CCDC170: variants seen among roughly 807,000 people sequenced by gnomAD.
CCDC170 encodes coiled-coil domain-containing protein 170.
In CCDC170, 69 loss-of-function variants were observed where a neutral mutation model predicts 72.6. The observed-to-expected ratio is 0.95, with a 90% confidence interval of 0.78 to 1.16. The LOEUF (loss-of-function observed/expected upper bound fraction) is 1.16. Among genes scored for constraint, CCDC170 ranks in the 50% most tolerant of loss-of-function variants. CCDC170 has a pLI of 0.00. For missense variants in CCDC170, 852 were observed against 832.5 expected, an observed-to-expected ratio of 1.02 and a Z score of -0.29; for synonymous variants, 300 against 303.9, an observed-to-expected ratio of 0.99 and a Z score of 0.13.
At chr6:151,602,384 A>G (rs1776722437) in intron 9 of CCDC170, among the ~76,000 whole-genome samples, 1 of 152,234 alleles carries the variant, frequency 6.6e-6, no homozygotes, top group Non-Finnish European at 1.5e-5. Context: ...TGAAATCCAT[A>G]TCAGTTCAAA....
intron 1 of CCDC170, among the ~76,000 whole-genome samples, chr6:151,502,553 AC>A (rs1362649488): frequency 6.6e-6 from 1 of 152,222 alleles, no homozygotes; most frequent in African/African-American, 2.4e-5. Flanking sequence ...TTAAGACTTG[AC>A]TATAATTGTC....
chr6:151,565,343 G>A (rs986940275), intron 5 of CCDC170, among the ~76,000 whole-genome samples: 1 of 152,198 alleles, frequency 6.6e-6, no homozygotes, highest in African/African-American at 2.4e-5. Context: ...TCTGCAGACA[G>A]CTCCCTATGT....
intron 1 of CCDC170, among the ~76,000 whole-genome samples, chr6:151,534,167 C>A (rs933443166): frequency 6.6e-6 from 1 of 151,396 alleles, no homozygotes; most frequent in Non-Finnish European, 1.5e-5. Flanking sequence ...GGGACTCAAG[C>A]CTTCCTCCCA....
chr6:151,590,647 A>G (rs899737698), intron 7 of CCDC170, among the ~76,000 whole-genome samples: 4 of 152,240 alleles, frequency 2.6e-5, no homozygotes, highest in African/African-American at 4.8e-5. Flanking sequence ...CAATATATAC[A>G]GTAATCCTTC....
chr6:151,573,425 G>A lies in CCDC170; in HGVS notation c.1026G>A (p.Gly342=). 2 of 1,614,124 alleles carry A rather than the reference G, an allele frequency of 1.2e-6. No individual in the cohort carries two copies. The highest frequency in any genetic ancestry group is 1.1e-5 in the South Asian group (1 of 91,084). The change falls in exon 6 of 11, where the codon GGG becomes GGA. Residue 342 remains glycine, a synonymous_variant. Coordinates refer to ENST00000239374, the MANE Select transcript of CCDC170 (RefSeq NM_025059.4). The stretch of plus-strand genomic sequence containing the variant: ...TTAGGGGCAGATTGAGCATGACTGG[G>A]TCCACTGAGGACACCATTTTGGAGA... ...ALLRGRLSMT[G]STEDTILEKI...
intron 1 of CCDC170, among the ~76,000 whole-genome samples, chr6:151,534,921 G>A (rs1247418951): frequency 1.3e-5 from 2 of 152,126 alleles, no homozygotes; most frequent in Non-Finnish European, 2.9e-5. Flanking sequence ...GACCTCTTTT[G>A]TATTCCTTCA....
intron 8 of CCDC170, among the ~76,000 whole-genome samples, chr6:151,595,146 A>T (rs1776602113): frequency 6.6e-6 from 1 of 152,138 alleles, no homozygotes; most frequent in Non-Finnish European, 1.5e-5. Context: ...GGGAACTTTG[A>T]TGGTCTTCAG....
At chr6:151,580,600 C>A (rs1392863708) in intron 6 of CCDC170, among the ~76,000 whole-genome samples, 3 of 152,096 alleles carry the variant, frequency 2.0e-5, no homozygotes, top group Non-Finnish European at 4.4e-5. Context: ...TGGGATGACA[C>A]TAAAAATTTC....
chr6:151,507,044 G>A (rs1360063461), intron 1 of CCDC170, among the ~76,000 whole-genome samples: 1 of 152,146 alleles, frequency 6.6e-6, no homozygotes, highest in African/African-American at 2.4e-5. Flanking sequence ...TTTCTCTGGA[G>A]AATCCTGACT....
chr6:151,548,186 G>A, intron 4 of CCDC170, 118 bp from the exon 5 acceptor site: 1 of 857,866 alleles, frequency 1.2e-6, no homozygotes, highest in African/African-American at 1.7e-5. Flanking sequence ...TCCAGTCCAT[G>A]TAGGGATAGT....
chr6:151,515,325 C>G (rs908056406), intron 1 of CCDC170, among the ~76,000 whole-genome samples: 9 of 152,202 alleles, frequency 5.9e-5, no homozygotes. Context: ...CTCTGTCACC[C>G]AGACTGAAGT....
At chr6:151,556,109 ACTC>A (rs1782969353) in intron 5 of CCDC170, among the ~76,000 whole-genome samples, 1 of 152,044 alleles carries the variant, frequency 6.6e-6, no homozygotes, top group African/African-American at 2.4e-5. Flanking sequence ...TGTTTATAAG[ACTC>A]CTACAAAATG....
chr6:151,605,732 A>ACTGTTTAGAGTAAGATTTTCTTACTGTTT (rs1776773249), intron 9 of CCDC170, among the ~76,000 whole-genome samples: 2 of 151,422 alleles, frequency 1.3e-5, no homozygotes. Context: ...TGATTTTCTT[A>ACTGTTTAGAGTAAGATTTTCTTACTGTTT]CTCTCTGTTT....
chr6:151,572,594 CAA>C (rs1776233332), intron 5 of CCDC170, among the ~76,000 whole-genome samples: 1 of 145,924 alleles, frequency 6.9e-6, no homozygotes, highest in Non-Finnish European at 1.5e-5. Flanking sequence ...GCTTATGTGT[CAA>C]AGTTTCCTTC....
chr6:151,616,842 G>A (rs756965829), intron 10 of CCDC170, among the ~76,000 whole-genome samples: 15 of 152,068 alleles, frequency 9.9e-5, no homozygotes, highest in East Asian at 1.9e-4. Flanking sequence ...GCAGCTCTCC[G>A]GGGCCTCTTT....
At chr6:151,545,130 CAAATA>C (rs1316865758) in intron 4 of CCDC170, among the ~76,000 whole-genome samples, 2 of 151,924 alleles carry the variant, frequency 1.3e-5, no homozygotes, top group African/African-American at 2.4e-5. Context: ...ACATTAAAAC[CAAATA>C]GTGGCTGGGC....
intron 1 of CCDC170, among the ~76,000 whole-genome samples, chr6:151,499,794 T>G (rs1781967336): frequency 6.6e-6 from 1 of 152,236 alleles, no homozygotes; most frequent in Non-Finnish European, 1.5e-5. Context: ...TTTTTAAGCT[T>G]GAAATATATT....
intron 6 of CCDC170, 101 bp from the exon 7 acceptor site, chr6:151,585,788 T>C: frequency 1.1e-6 from 1 of 949,360 alleles, no homozygotes; most frequent in Non-Finnish European, 1.5e-6. Context: ...ATCTGGAAGT[T>C]GGTATCATAA....
chr6:151,528,230 A>C (rs115043877), intron 1 of CCDC170, among the ~76,000 whole-genome samples: 3 of 152,264 alleles, frequency 2.0e-5, no homozygotes, highest in Middle Eastern at 3.4e-3. Context: ...CAAATGGATG[A>C]GTTTTTATTT....
Sources: gnomAD v4.1 joint callset for allele counts (sites outside exome capture counted in the v4.1 genomes callset) on GRCh38, gnomAD v4.1.1 for gene constraint, MANE v1.5 for transcripts, NCBI Gene and HGNC (gene_info 2026-07-23, HGNC 2026-07-21) for gene names.